The following MACROD2 variants were observed in gnomAD, a reference collection of about 807,000 sequenced individuals.
The protein encoded by MACROD2 is ADP-ribose glycohydrolase MACROD2.
In MACROD2, 36 loss-of-function variants were observed where a neutral mutation model predicts 70.4. The observed-to-expected ratio is 0.51, with a 90% CI of 0.39 to 0.68. MACROD2 has a LOEUF of 0.68. MACROD2 is among the 30% of genes least tolerant of loss of function. The probability of loss-of-function intolerance (pLI) is 0.00; values close to 1 mark genes in which losing one functional copy is unlikely to be tolerated. For missense variants in MACROD2, 496 were observed against 538.4 expected (o/e 0.92, Z 0.78); for synonymous variants, 172 against 178.8 (o/e 0.96, Z 0.30).
intron 10 of MACROD2, among the ~76,000 whole-genome samples, chr20:15,908,732 A>C (rs942633283): frequency 2.0e-5 from 3 of 152,072 alleles, no homozygotes; most frequent in African/African-American, 4.8e-5. Context: ...GGTTTTCTTT[A>C]TCTCTCTTAT....
At chr20:14,072,113 G>A (rs1403232882) in intron 2 of MACROD2, among the ~76,000 whole-genome samples, 1 of 152,154 alleles carries the variant, frequency 6.6e-6, no homozygotes, top group African/African-American at 2.4e-5. Context: ...TTGGTGTGTT[G>A]TATGTTATAA....
chr20:14,856,051 A>G (rs957823583), intron 5 of MACROD2, among the ~76,000 whole-genome samples: 3 of 152,156 alleles, frequency 2.0e-5, no homozygotes, highest in African/African-American at 7.2e-5. Context: ...TGTTAAATTT[A>G]TCAAGATCCA....
At chr20:15,744,701 C>T (rs1378440806) in intron 8 of MACROD2, among the ~76,000 whole-genome samples, 1 of 50,756 alleles carries the variant, frequency 2.0e-5, no homozygotes, top group Non-Finnish European at 3.4e-5. Context: ...TATACACACA[C>T]ACACACACAC....
chr20:14,708,463 C>A (rs1406501000), intron 5 of MACROD2, among the ~76,000 whole-genome samples: 3 of 152,178 alleles, frequency 2.0e-5, no homozygotes, highest in Non-Finnish European at 4.4e-5. Context: ...TTTGCTGATT[C>A]TTGACAACTC....
At chr20:14,472,625 A>G (rs1476384478) in intron 3 of MACROD2, among the ~76,000 whole-genome samples, 1 of 152,226 alleles carries the variant, frequency 6.6e-6, no homozygotes, top group East Asian at 1.9e-4. Flanking sequence ...TAAGTGTTGT[A>G]CAAAAGCTTG....
At chr20:14,576,114 A>G (rs977347736) in intron 4 of MACROD2, among the ~76,000 whole-genome samples, 12 of 152,164 alleles carry the variant, frequency 7.9e-5, no homozygotes, top group Non-Finnish European at 1.8e-4. Flanking sequence ...CCAGCATGCT[A>G]GTTTCTTATT....
At chr20:15,596,846 G>C (rs464152) in intron 8 of MACROD2, among the ~76,000 whole-genome samples, 21,739 of 152,108 alleles carry the variant, frequency 0.14, 1,647 homozygotes, top group African/African-American at 0.21. Flanking sequence ...ACGGGCTTAA[G>C]GTCCACAGAA....
intron 8 of MACROD2, among the ~76,000 whole-genome samples, chr20:15,586,287 G>C (rs2048600802): frequency 6.6e-6 from 1 of 152,162 alleles, no homozygotes; most frequent in Non-Finnish European, 1.5e-5. Context: ...CTTAGGATTT[G>C]CATTTCTAGT....
intron 4 of MACROD2, chr20:14,621,862 G>C (rs1983846624): frequency 6.6e-6 from 1 of 152,184 alleles, no homozygotes; most frequent in Non-Finnish European, 1.5e-5. Flanking sequence ...ACCTGGTGCA[G>C]CTGAGCAATA....
At chr20:15,667,673 A>G (rs528649073) in intron 8 of MACROD2, among the ~76,000 whole-genome samples, 2 of 152,270 alleles carry the variant, frequency 1.3e-5, no homozygotes, top group East Asian at 3.9e-4. Flanking sequence ...ATACCCAGCC[A>G]TATTTGAATT....
At chr20:14,346,392 T>G (rs1311902823) in intron 3 of MACROD2, among the ~76,000 whole-genome samples, 1 of 152,164 alleles carries the variant, frequency 6.6e-6, no homozygotes, top group Non-Finnish European at 1.5e-5. Context: ...TTCCCTTGGC[T>G]TCTTTGCTCC....
chr20:14,185,569 A>G (rs2081337852), intron 3 of MACROD2, among the ~76,000 whole-genome samples: 1 of 152,196 alleles, frequency 6.6e-6, no homozygotes, highest in South Asian at 2.1e-4. Context: ...CCATTAAAGC[A>G]GAGTTATAAC....
intron 2 of MACROD2, among the ~76,000 whole-genome samples, chr20:14,004,092 G>A (rs1012594040): frequency 2.0e-5 from 3 of 152,156 alleles, no homozygotes; most frequent in Non-Finnish European, 4.4e-5. Flanking sequence ...TGCTGGTTCA[G>A]CATTCCTAAT....
intron 6 of MACROD2, among the ~76,000 whole-genome samples, chr20:15,420,525 G>A (rs568434216): frequency 6.6e-6 from 1 of 152,260 alleles, no homozygotes; most frequent in South Asian, 2.1e-4. Flanking sequence ...GATGGGCACT[G>A]TAATAGTGTT....
intron 8 of MACROD2, among the ~76,000 whole-genome samples, chr20:15,621,946 A>G (rs564593663): frequency 6.6e-6 from 1 of 152,276 alleles, no homozygotes; most frequent in South Asian, 2.1e-4. Flanking sequence ...TCAAAAACAG[A>G]TCAATAATTG....
intron 3 of MACROD2, among the ~76,000 whole-genome samples, chr20:14,117,437 G>A (rs2054530750): frequency 6.6e-6 from 1 of 152,148 alleles, no homozygotes; most frequent in African/African-American, 2.4e-5. Context: ...TCTAAGGTCT[G>A]GGAATAGAGG....
chr20:15,558,459 C>G (rs566567994), intron 8 of MACROD2, among the ~76,000 whole-genome samples: 1 of 152,342 alleles, frequency 6.6e-6, no homozygotes, highest in South Asian at 2.1e-4. Context: ...TTTGCACCAA[C>G]CTAATGCTTT....
chr20:14,314,078 G>A (rs984932362), intron 3 of MACROD2, among the ~76,000 whole-genome samples: 1 of 152,188 alleles, frequency 6.6e-6, no homozygotes, highest in Non-Finnish European at 1.5e-5. Context: ...ATCTAGATAA[G>A]TGTTCTTATT....
chr20:15,926,652 G>A (rs2065493891), intron 10 of MACROD2, among the ~76,000 whole-genome samples: 1 of 152,192 alleles, frequency 6.6e-6, no homozygotes, highest in African/African-American at 2.4e-5. Context: ...GGACATTTAA[G>A]CAGTAACTTG....
Sources: allele counts gnomAD v4.1 joint callset (sites outside exome capture counted in the v4.1 genomes callset), GRCh38; gene constraint gnomAD v4.1.1; transcripts MANE v1.5; gene names NCBI Gene and HGNC (gene_info 2026-07-23, HGNC 2026-07-21).